Variants in HMG20A observed in about 807,000 individuals in gnomAD.
The protein encoded by HMG20A is high mobility group 20A, also known as high mobility group protein 20A.
HMG20A carries 17 observed loss-of-function variants against 43.9 expected under a neutral mutation model. The ratio of observed to expected loss-of-function variants is 0.39; its 90% CI spans 0.27 to 0.58. HMG20A has a LOEUF of 0.58. HMG20A is among the 20% of genes least tolerant of loss of function. HMG20A has a pLI of 0.59. For missense variants in HMG20A, 341 were observed against 438.2 expected (o/e 0.78, Z 1.98); for synonymous variants, 132 against 147.5 (o/e 0.89, Z 0.76).
chr15:77,448,397 C>T (rs2073698632), intron 1 of HMG20A, among the ~76,000 whole-genome samples: 1 of 152,182 alleles, frequency 6.6e-6, no homozygotes, highest in African/African-American at 2.4e-5. Context: ...GTTGTTTCCT[C>T]TGCTAGGGCC....
chr15:77,451,736 A>G (rs1237993873), intron 1 of HMG20A, among the ~76,000 whole-genome samples: 8 of 152,212 alleles, frequency 5.3e-5, no homozygotes, highest in African/African-American at 1.2e-4. Context: ...TTGAAGTACC[A>G]AGAAAAAAAC....
chr15:77,519,339 C>T, the HMG20A span, among the ~76,000 whole-genome samples: 5 of 152,210 alleles, frequency 3.3e-5, no homozygotes, highest in Non-Finnish European at 5.9e-5. Context: ...CGCCAGTGTG[C>T]GCCTACTGCA....
At chr15:77,457,188 GA>G (rs1405007194) in intron 1 of HMG20A, among the ~76,000 whole-genome samples, 1 of 152,172 alleles carries the variant, frequency 6.6e-6, no homozygotes, top group African/African-American at 2.4e-5. Context: ...TCACTCCATT[GA>G]ACATGGAGAA....
At chr15:77,433,180 T>C (rs926912225) in intron 1 of HMG20A, among the ~76,000 whole-genome samples, 3 of 152,004 alleles carry the variant, frequency 2.0e-5, no homozygotes, top group Admixed American at 2.0e-4. Flanking sequence ...ACCCTGTCTC[T>C]ACAAGAACAT....
At chr15:77,462,562 CAG>C (rs2072714013) in intron 2 of HMG20A, among the ~76,000 whole-genome samples, 1 of 151,710 alleles carries the variant, frequency 6.6e-6, no homozygotes, top group African/African-American at 2.4e-5. Context: ...AATTATGCTA[CAG>C]GTGTTTCAAA....
chr15:77,467,727 T>C (rs1335205008), intron 4 of HMG20A, among the ~76,000 whole-genome samples: 1 of 152,248 alleles, frequency 6.6e-6, no homozygotes, highest in Non-Finnish European at 1.5e-5. Flanking sequence ...TTAATACTTT[T>C]TTTAACTAGA....
intron 1 of HMG20A, among the ~76,000 whole-genome samples, chr15:77,429,796 A>T (rs966876295): frequency 2.6e-5 from 4 of 152,256 alleles, no homozygotes; most frequent in African/African-American, 9.6e-5. Flanking sequence ...GTCTTTAAGA[A>T]TACATTGAAA....
chr15:77,454,175 A>C (rs2072633339), intron 1 of HMG20A, among the ~76,000 whole-genome samples: 1 of 151,522 alleles, frequency 6.6e-6, no homozygotes, highest in South Asian at 2.1e-4. Flanking sequence ...AAAAAAAAAA[A>C]AAAAACAAAG....
the HMG20A span, among the ~76,000 whole-genome samples, chr15:77,516,595 GACAA>G: frequency 3.3e-5 from 5 of 152,080 alleles, no homozygotes; most frequent in Admixed American, 6.5e-5. Context: ...CTCCCCAAAA[GACAA>G]ACAAACCAAC....
intron 2 of HMG20A, among the ~76,000 whole-genome samples, chr15:77,462,772 C>CTTTTTTTTTT (rs71145836): frequency 2.3e-5 from 3 of 127,786 alleles, no homozygotes; most frequent in Non-Finnish European, 4.9e-5. Flanking sequence ...TTTTCTTTTT[C>CTTTTTTTTTT]TTTTTTTTTT....
intron 1 of HMG20A, among the ~76,000 whole-genome samples, chr15:77,453,006 C>T (rs1253452217): frequency 1.3e-5 from 2 of 152,142 alleles, no homozygotes; most frequent in Non-Finnish European, 2.9e-5. Flanking sequence ...GTGGGTGGCA[C>T]CTCTTGAGGC....
At chr15:77,508,960 T>C in the HMG20A span, among the ~76,000 whole-genome samples, 2 of 152,230 alleles carry the variant, frequency 1.3e-5, no homozygotes, top group African/African-American at 2.4e-5. Context: ...CTGCTTCCCA[T>C]GGCCTCTTTG....
intron 4 of HMG20A, among the ~76,000 whole-genome samples, chr15:77,467,804 C>T (rs1409544877): frequency 6.6e-6 from 1 of 152,136 alleles, no homozygotes; most frequent in Non-Finnish European, 1.5e-5. Flanking sequence ...TCCTCTAAGA[C>T]AGAAACTAAC....
chr15:77,512,489 A>AT, the HMG20A span, among the ~76,000 whole-genome samples: 70 of 152,320 alleles, frequency 4.6e-4, 1 homozygote, highest in South Asian at 6.4e-3. Flanking sequence ...GAGGCTCCCA[A>AT]TGGCCACATC....
intron 2 of HMG20A, among the ~76,000 whole-genome samples, chr15:77,462,117 C>G (rs1346405080): frequency 6.6e-6 from 1 of 152,124 alleles, no homozygotes; most frequent in Non-Finnish European, 1.5e-5. Context: ...ATTTCTCGGT[C>G]CACTGTAATC....
chr15:77,494,005 G>T, the HMG20A span, among the ~76,000 whole-genome samples: 2 of 152,172 alleles, frequency 1.3e-5, no homozygotes, highest in African/African-American at 4.8e-5. Context: ...CTTCCAAGGA[G>T]ACTTTTTTTA....
At chr15:77,493,245 G>A in the HMG20A span, among the ~76,000 whole-genome samples, 2 of 152,066 alleles carry the variant, frequency 1.3e-5, no homozygotes, top group African/African-American at 4.8e-5. Context: ...GGCAGGGAGT[G>A]GGCAACTTTT....
the HMG20A span, among the ~76,000 whole-genome samples, chr15:77,506,034 T>C: frequency 7.0e-6 from 1 of 142,692 alleles, no homozygotes; most frequent in East Asian, 2.1e-4. Context: ...TTTTCCCATG[T>C]AGGATTTCTA....
chr15:77,478,917 T>C (rs2072882010), intron 8 of HMG20A, among the ~76,000 whole-genome samples: 1 of 152,242 alleles, frequency 6.6e-6, no homozygotes, highest in Non-Finnish European at 1.5e-5. Context: ...ATTTTGAAGA[T>C]AGTCATAGCA....
Sources: allele counts gnomAD v4.1 joint callset (sites outside exome capture counted in the v4.1 genomes callset), GRCh38; gene constraint gnomAD v4.1.1; transcripts MANE v1.5; gene names NCBI Gene and HGNC (gene_info 2026-07-23, HGNC 2026-07-21).